The following PTGFRN variants were observed in gnomAD, a reference collection of about 807,000 sequenced individuals.
PTGFRN encodes the protein prostaglandin F2 receptor negative regulator.
Under a neutral mutation model 83.2 loss-of-function variants are expected in PTGFRN, and 35 were observed. The ratio of observed to expected loss-of-function variants is 0.42; its 90% confidence interval spans 0.32 to 0.56. The LOEUF (loss-of-function observed/expected upper bound fraction) is 0.56. Among genes scored for constraint, PTGFRN ranks in the 20% least tolerant of loss-of-function variants. The pLI is 0.11. For synonymous variants in PTGFRN, 519 were observed against 498.6 expected (o/e 1.04, Z -0.55); for missense variants, 1,051 against 1,179.5 (o/e 0.89, Z 1.60).
Position 116,962,106 on chromosome 1 carries a change from T to C in PTGFRN, c.1639+438T>C, listed in dbSNP as rs539195363. On this transcript the variant is annotated intron_variant, in intron 5 of 8. Coordinates refer to ENST00000393203, the MANE Select transcript of PTGFRN (RefSeq NM_020440.4). ...GTGGGGCAGGTGCCCTTCTTGATCC[T>C]CCCTGCAGCTTCCAGGTCGTTTTCG... Among the ~76,000 whole-genome samples, 5 of 152,296 alleles carry C rather than the reference T, an allele frequency of 3.3e-5. No homozygotes were observed. In the South Asian group the frequency reaches 1.0e-3, roughly 32 times the overall value.
At position 116,958,454 on chromosome 1, in the gene PTGFRN, C is replaced by T. The variant is rs1243217227; in HGVS notation, c.1214-2789C>T. 1.3e-5 allele frequency among the ~76,000 whole-genome samples: 2 copies of T among 152,154 alleles called. No homozygotes were observed. The highest frequency in any genetic ancestry group is 2.9e-5 in the Non-Finnish European group (2 of 68,024). On this transcript the variant is annotated intron_variant, in intron 4 of 8. Coordinates refer to ENST00000393203, the MANE Select transcript of PTGFRN (RefSeq NM_020440.4). The surrounding 1 kb of genome is among the most constrained non-coding windows in gnomAD (Gnocchi z 4.9). ...TGAAAGGTGGTAGAAGACAGGGCTC[C>T]GTTCCCATCTGCCACTTTTGAACTG... is the stretch of plus-strand genomic sequence containing the variant.
intron 4 of PTGFRN, 54 bp downstream of exon 4, chr1:116,949,626 G>A: frequency 6.4e-7 from 1 of 1,551,766 alleles, no homozygotes; most frequent in Non-Finnish European, 8.7e-7. Flanking sequence ...CCTCCTCGGA[G>A]TTATCTGAAG....
rs942838625 is a variant in PTGFRN at position 116,945,147 on chromosome 1, A to G, written c.832+55A>G. On this transcript the variant is annotated intron_variant, in intron 3 of 8. Transcript: ENST00000393203. ...TGTTATTTTGTGACTAATGATAGTG[A>G]TACAAAGAACCGGGCCAGGGAGCCC... The G allele has an allele frequency of 3.9e-6, 6 of 1,542,294 alleles. No individual in the cohort carries two copies. In the African/African-American group the frequency reaches 6.8e-5, roughly 18 times the overall value.
chr1:116,985,568 G>A (rs1651447046), intron 8 of PTGFRN, among the ~76,000 whole-genome samples: 1 of 152,110 alleles, frequency 6.6e-6, no homozygotes, highest in African/African-American at 2.4e-5. Flanking sequence ...AATTAGCCAG[G>A]AGTGGTGGCG....
intron 4 of PTGFRN, 63 bp downstream of exon 4, chr1:116,949,635 A>G (rs1650289449): frequency 6.5e-7 from 1 of 1,541,238 alleles, no homozygotes; most frequent in African/African-American, 1.4e-5. Flanking sequence ...AGTTATCTGA[A>G]GGAGTTATCT....
In PTGFRN at chr1:116,918,986, A is replaced by G. The variant is rs1649473057; in HGVS notation, c.49+8734A>G. 6.6e-6 allele frequency among the ~76,000 whole-genome samples: 1 copy of G among 152,206 alleles called. No individual in the cohort carries two copies. Among genetic ancestry groups the G allele is most frequent in the Non-Finnish European group, 1.5e-5 (1 of 68,032 alleles). On this transcript the variant is annotated intron_variant, in intron 1 of 8. Transcript: ENST00000393203. The surrounding 1 kb of genome is among the most constrained non-coding windows in gnomAD (Gnocchi z 4.1). Reference sequence around the variant, plus strand: ...CCTGGAGGGCATGATGATGGCATAAAAGCAGATTCTGAGGTGCAAGGGAAT... The same window carrying G: ...CCTGGAGGGCATGATGATGGCATAAGAGCAGATTCTGAGGTGCAAGGGAAT...
intron 6 of PTGFRN, among the ~76,000 whole-genome samples, chr1:116,967,869 C>T (rs1422900278): frequency 6.6e-6 from 1 of 152,188 alleles, no homozygotes; most frequent in Admixed American, 6.5e-5. Context: ...TTGACTGTTA[C>T]AAATAATGCT....
rs371241957 is a variant in PTGFRN, at chr1:116,959,965, C to CA, written c.1214-1268dup. ...TCCACTTGGGGACAGTAAGACTGTC[C>CA]AAAAAAAAAACAAAAGAAGAAGAAG... On this transcript the variant is annotated intron_variant, in intron 4 of 8. Coordinates refer to ENST00000393203, the MANE Select transcript of PTGFRN (RefSeq NM_020440.4). Among the ~76,000 whole-genome samples the CA allele has an allele frequency of 2.7e-3, 362 of 135,334 alleles. 1 individual carries two copies. The highest frequency in any genetic ancestry group is 8.0e-3 in the African/African-American group (291 of 36,576). 88.8% of individuals were successfully genotyped at this position (135,334 alleles called of 152,430 possible). A position where few individuals can be genotyped will look rare whatever the true frequency, so the allele number is the denominator to read the frequency against.
At chr1:116,979,339 A>G (rs1651244931) in intron 7 of PTGFRN, among the ~76,000 whole-genome samples, 1 of 152,174 alleles carries the variant, frequency 6.6e-6, no homozygotes, top group Non-Finnish European at 1.5e-5. Flanking sequence ...CAAGCTACCA[A>G]TGGCTTTCTT....
Position 116,958,034 on chromosome 1 carries a change from G to A in PTGFRN, c.1214-3209G>A, listed in dbSNP as rs1000193862. ...ATTCATCTGTTGATGGACACGGGTT[G>A]ATTCCATATCTTGGCCCTTGTGAAT... On this transcript the variant is annotated intron_variant, in intron 4 of 8. Coordinates refer to ENST00000393203, the MANE Select transcript of PTGFRN (RefSeq NM_020440.4). The surrounding 1 kb of genome is among the most constrained non-coding windows in gnomAD (Gnocchi z 4.9). 1.3e-5 allele frequency among the ~76,000 whole-genome samples: 2 copies of A among 151,960 alleles called. No individual in the cohort carries two copies. Among genetic ancestry groups the A allele is most frequent in the Non-Finnish European group, 2.9e-5 (2 of 68,016 alleles).
At chr1:116,979,412 A>G (rs1248026267) in intron 7 of PTGFRN, among the ~76,000 whole-genome samples, 1 of 152,238 alleles carries the variant, frequency 6.6e-6, no homozygotes, top group Admixed American at 6.5e-5. Flanking sequence ...CGCATTGCCA[A>G]GTCAATCCTA....
chr1:116,978,557 G>A (rs961126871), intron 7 of PTGFRN, among the ~76,000 whole-genome samples: 3 of 152,192 alleles, frequency 2.0e-5, no homozygotes, highest in Non-Finnish European at 2.9e-5. Flanking sequence ...GGGATGCAAG[G>A]CTGGTTCAAC....
intron 7 of PTGFRN, among the ~76,000 whole-genome samples, chr1:116,976,322 T>C (rs1447679113): frequency 6.6e-6 from 1 of 152,216 alleles, no homozygotes; most frequent in East Asian, 1.9e-4. Flanking sequence ...CAGTAGAACT[T>C]CCCCAACCTA....
At chr1:116,986,089 C>T (rs962593531) in intron 8 of PTGFRN, among the ~76,000 whole-genome samples, 6 of 152,148 alleles carry the variant, frequency 3.9e-5, no homozygotes, top group Non-Finnish European at 5.9e-5. Flanking sequence ...CATTTTCTCT[C>T]GTAAAATGGG....
chr1:116,967,741 T>C (rs1314616687), intron 6 of PTGFRN, among the ~76,000 whole-genome samples: 3 of 152,226 alleles, frequency 2.0e-5, no homozygotes, highest in African/African-American at 7.2e-5. Context: ...GTCATCCATA[T>C]TGTAGCATGT....
In PTGFRN at chr1:116,910,151, G is replaced by T; in HGVS notation, c.-53G>T. Reference sequence around the variant, plus strand: ...GCCGGAGCTGGAAGAGGAGGAGGAGGAGAGGCGGCGGGGAAGGAGGAGGAG... The same window carrying T: ...GCCGGAGCTGGAAGAGGAGGAGGAGTAGAGGCGGCGGGGAAGGAGGAGGAG... On this transcript the variant is annotated 5_prime_UTR_variant, in exon 1 of 9. Coordinates refer to ENST00000393203, the MANE Select transcript of PTGFRN (RefSeq NM_020440.4). 1.3e-6 allele frequency: 2 copies of T among 1,509,696 alleles called. No individual in the cohort carries two copies. The highest frequency in any genetic ancestry group is 1.8e-6 in the Non-Finnish European group (2 of 1,131,664). The allele number at this position is 1,509,696 out of a possible 1,614,324, so 93.5% of individuals were successfully genotyped here. A position where few individuals can be genotyped will look rare whatever the true frequency, so the allele number is the denominator to read the frequency against.
chr1:116,948,086 G>C (rs918144804), intron 3 of PTGFRN, among the ~76,000 whole-genome samples: 1 of 152,138 alleles, frequency 6.6e-6, no homozygotes, highest in African/African-American at 2.4e-5. Flanking sequence ...AGCTTACTGG[G>C]GCCAGCGCCA....
rs576023221 is a variant in PTGFRN, at chr1:116,983,618, A to G, written c.2168-1062A>G. Among the ~76,000 whole-genome samples the G allele has an allele frequency of 1.3e-5, 2 of 152,170 alleles. 1 individual carries two copies. Among genetic ancestry groups the G allele is most frequent in the South Asian group, 4.1e-4 (2 of 4,822 alleles). On this transcript the variant is annotated intron_variant, in intron 7 of 8. Transcript: ENST00000393203. ...GAAGAATTATCATTTGGATAATTTCATAGAAATTCTTGCTTTTAGTTCTGC... is the reference window on the plus strand; with the variant it reads ...GAAGAATTATCATTTGGATAATTTCGTAGAAATTCTTGCTTTTAGTTCTGC...
chr1:116,956,378 A>G (rs1472237848), intron 4 of PTGFRN, among the ~76,000 whole-genome samples: 1 of 152,218 alleles, frequency 6.6e-6, no homozygotes, highest in African/African-American at 2.4e-5. Flanking sequence ...TGGAATTCCT[A>G]TAGCTAGATG....
Sources: gnomAD v4.1 joint callset for allele counts (sites outside exome capture counted in the v4.1 genomes callset) on GRCh38, gnomAD v4.1.1 for gene constraint, Gnocchi (gnomAD v3.1) non-coding constraint, MANE v1.5 for transcripts, NCBI Gene and HGNC (gene_info 2026-07-23, HGNC 2026-07-21) for gene names.